Variants in ARMC9 observed in about 807,000 individuals in gnomAD.
ARMC9 encodes lisH domain-containing protein ARMC9.
A neutral mutation model predicts 107.0 loss-of-function variants in ARMC9; 94 were observed. That is an observed-to-expected ratio of 0.88 (90% CI 0.74 to 1.04). The LOEUF (loss-of-function observed/expected upper bound fraction) is 1.04. Among genes scored for constraint, ARMC9 ranks in the 50% least tolerant of loss-of-function variants. The pLI, the probability that ARMC9 is intolerant of heterozygous loss-of-function variation, is 0.00. For missense variants in ARMC9, 942 were observed against 1,030.1 expected, an observed-to-expected ratio of 0.91 and a Z score of 1.17; for synonymous variants, 380 against 396.9, an observed-to-expected ratio of 0.96 and a Z score of 0.51.
chr2:231,301,532 G>A (rs866457375), intron 19 of ARMC9, among the ~76,000 whole-genome samples: 3 of 151,540 alleles, frequency 2.0e-5, no homozygotes, highest in African/African-American at 7.3e-5. Flanking sequence ...ATCTGGATTT[G>A]GATTTGCTAC....
At chr2:231,272,442 G>A (rs1281521519) in intron 13 of ARMC9, among the ~76,000 whole-genome samples, 1 of 152,104 alleles carries the variant, frequency 6.6e-6, no homozygotes, top group Non-Finnish European at 1.5e-5. Context: ...CAGTCTACCT[G>A]CCTCAGCCTC....
intron 19 of ARMC9, among the ~76,000 whole-genome samples, chr2:231,306,084 C>G (rs2042020647): frequency 6.6e-6 from 1 of 152,194 alleles, no homozygotes; most frequent in South Asian, 2.1e-4. Flanking sequence ...ATCTGTAAAA[C>G]TGAGGGAAAG....
chr2:231,369,902 G>A (rs1006662974), intron 23 of ARMC9, 51 bp from the exon 24 acceptor site: 13 of 1,416,196 alleles, frequency 9.2e-6, no homozygotes, highest in Non-Finnish European at 1.2e-5. Flanking sequence ...CCCCTCCTGT[G>A]GTTTCTAATG....
At chr2:231,203,686 G>A (rs982665464) in intron 1 of ARMC9, among the ~76,000 whole-genome samples, 3 of 152,158 alleles carry the variant, frequency 2.0e-5, no homozygotes, top group South Asian at 2.1e-4. Context: ...AAGGCTGGGC[G>A]TGGTGGCTCA....
chr2:231,237,767 A>G (rs1180056618), intron 8 of ARMC9, among the ~76,000 whole-genome samples: 2 of 38,134 alleles, frequency 5.2e-5, no homozygotes, highest in African/African-American at 1.8e-4. Context: ...ATATATATAT[A>G]TATATATATA....
intron 8 of ARMC9, 45 bp from the exon 9 acceptor site, chr2:231,239,898 G>C (rs375212990): frequency 1.1e-5 from 17 of 1,550,958 alleles, no homozygotes; most frequent in Middle Eastern, 1.7e-4. Flanking sequence ...GTGTCCCTCA[G>C]TGAGTTTCAT....
At chr2:231,228,407 A>T (rs2034868834) in intron 7 of ARMC9, among the ~76,000 whole-genome samples, 1 of 152,158 alleles carries the variant, frequency 6.6e-6, no homozygotes, top group Non-Finnish European at 1.5e-5. Context: ...TCACACGCAG[A>T]GTGGTGGTCG....
At chr2:231,312,195 G>A (rs755639937) in intron 19 of ARMC9, among the ~76,000 whole-genome samples, 1 of 152,288 alleles carries the variant, frequency 6.6e-6, no homozygotes, top group Admixed American at 6.5e-5. Context: ...CGGAAGGTTC[G>A]AGGTGGTTTG....
At chr2:231,363,690 T>G (rs1444880160) in intron 23 of ARMC9, among the ~76,000 whole-genome samples, 1 of 151,876 alleles carries the variant, frequency 6.6e-6, no homozygotes, top group Non-Finnish European at 1.5e-5. Context: ...ATCAAGATCA[T>G]CCTGGCCAAC....
At position 231,355,315 on chromosome 2, in the gene ARMC9, G is replaced by A. The variant is rs532892891; in HGVS notation, c.1995-483G>A. On this transcript the variant is annotated intron_variant, in intron 21 of 24. Coordinates refer to ENST00000611582, the MANE Select transcript of ARMC9 (RefSeq NM_001352754.2). Reference sequence around the variant, plus strand: ...TGGTTGCACCATGGCACTCCAGCCTGGGCGACAGAGTGAGACCCTGTCTCT... The same window carrying A: ...TGGTTGCACCATGGCACTCCAGCCTAGGCGACAGAGTGAGACCCTGTCTCT... 9.2e-5 allele frequency among the ~76,000 whole-genome samples: 14 copies of A among 152,314 alleles called. No individual in the cohort carries two copies. In the South Asian group the frequency reaches 2.7e-3, roughly 29 times the overall value.
At chr2:231,300,359 A>G (rs1461364962) in intron 19 of ARMC9, among the ~76,000 whole-genome samples, 1 of 152,174 alleles carries the variant, frequency 6.6e-6, no homozygotes, top group Non-Finnish European at 1.5e-5. Context: ...TCGAAATAAC[A>G]CTATTGTAGG....
At chr2:231,240,217 G>A (rs1380087637) in intron 9 of ARMC9, 176 bp downstream of exon 9, 7 of 644,420 alleles carry the variant, frequency 1.1e-5, no homozygotes, top group Admixed American at 3.0e-5. Context: ...GGGTACAGCT[G>A]AAAGCTGGCC....
chr2:231,366,859 T>A (rs1288757585), intron 23 of ARMC9, among the ~76,000 whole-genome samples: 1 of 146,252 alleles, frequency 6.8e-6, no homozygotes, highest in Non-Finnish European at 1.5e-5. Flanking sequence ...CCAAACAAAT[T>A]TTTTTTTTTG....
intron 19 of ARMC9, among the ~76,000 whole-genome samples, chr2:231,328,052 G>A (rs2043453874): frequency 6.6e-6 from 1 of 152,110 alleles, no homozygotes. Context: ...CCAAAGTGCT[G>A]GGATTACAGG....
chr2:231,207,978 G>T (rs2032274287), intron 2 of ARMC9, 149 bp from the exon 3 acceptor site: 3 of 511,990 alleles, frequency 5.9e-6, no homozygotes, highest in Non-Finnish European at 1.1e-5. Context: ...GCATTTCTCT[G>T]ATTGTTAGTG....
Position 231,376,437 on chromosome 2 carries a change from T to C in ARMC9, c.*4902T>C, listed in dbSNP as rs2046199494. ...AACTGGCCCCCCTCCCCCGGGGGCG[T>C]GGTCGTCTCTTATGGTCGAGGCTGC... On this transcript the variant is annotated 3_prime_UTR_variant, in exon 25 of 25. Transcript: ENST00000611582. 6.6e-6 allele frequency among the ~76,000 whole-genome samples: 1 copy of C among 152,074 alleles called. No individual in the cohort carries two copies. Among genetic ancestry groups the C allele is most frequent in the African/African-American group, 2.4e-5 (1 of 41,386 alleles).
chr2:231,229,505 C>T (rs2035006599), intron 7 of ARMC9, among the ~76,000 whole-genome samples: 1 of 152,138 alleles, frequency 6.6e-6, no homozygotes. Flanking sequence ...GTAGTAACAT[C>T]GGATTATTAT....
intron 21 of ARMC9, among the ~76,000 whole-genome samples, chr2:231,350,026 TAAAA>T (rs200774556): frequency 0.025 from 3,424 of 136,896 alleles, 95 homozygotes; most frequent in African/African-American, 0.068. Flanking sequence ...CACAAACATC[TAAAA>T]AAAAAAAAAA....
At chr2:231,271,736 A>T (rs2039344438) in intron 13 of ARMC9, among the ~76,000 whole-genome samples, 1 of 152,196 alleles carries the variant, frequency 6.6e-6, no homozygotes. Context: ...GTTACTGAGG[A>T]CCATTCATAT....
Sources: gnomAD v4.1 joint callset for allele counts (sites outside exome capture counted in the v4.1 genomes callset) on GRCh38, gnomAD v4.1.1 for gene constraint, MANE v1.5 for transcripts, NCBI Gene and HGNC (gene_info 2026-07-23, HGNC 2026-07-21) for gene names.